Variants in PPIP5K2 observed in about 807,000 individuals in gnomAD.
The protein encoded by PPIP5K2 is diphosphoinositol pentakisphosphate kinase 2, also known as inositol hexakisphosphate and diphosphoinositol-pentakisphosphate kinase 2.
Under a neutral mutation model 154.6 loss-of-function variants are expected in PPIP5K2, and 105 were observed. The ratio of observed to expected loss-of-function variants is 0.68; its 90% CI spans 0.58 to 0.80. PPIP5K2 has a LOEUF of 0.80. Ranked by LOEUF, PPIP5K2 falls within the 30% of genes least tolerant of loss-of-function variation. The probability of loss-of-function intolerance (pLI) is 0.00; values close to 1 mark genes in which losing one functional copy is unlikely to be tolerated. For missense variants in PPIP5K2, 992 were observed against 1,504.6 expected (o/e 0.66, Z 5.64); for synonymous variants, 480 against 490.3 (o/e 0.98, Z 0.28).
chr5:103,195,579 C>T (rs1801964215), intron 30 of PPIP5K2, among the ~76,000 whole-genome samples: 1 of 152,140 alleles, frequency 6.6e-6, no homozygotes, highest in South Asian at 2.1e-4. Context: ...TTATGTGGCA[C>T]ATTTAATTGT....
At chr5:103,142,761 G>A (rs1793035688) in intron 5 of PPIP5K2, among the ~76,000 whole-genome samples, 1 of 129,226 alleles carries the variant, frequency 7.7e-6, no homozygotes, top group African/African-American at 3.1e-5. Flanking sequence ...GGGCGAGTGA[G>A]CAAGACTCCG....
chr5:103,171,274 G>T (rs1797938425), intron 19 of PPIP5K2, among the ~76,000 whole-genome samples: 1 of 151,390 alleles, frequency 6.6e-6, no homozygotes. Context: ...TGGTATAGTG[G>T]TAAATAAAAA....
intron 5 of PPIP5K2, among the ~76,000 whole-genome samples, chr5:103,142,056 C>T (rs1465023772): frequency 6.6e-6 from 1 of 152,182 alleles, no homozygotes; most frequent in Non-Finnish European, 1.5e-5. Context: ...CTTGGGTGGT[C>T]GATGGGACTG....
rs181767068 is a variant in PPIP5K2, at chr5:103,142,494, C to T, written c.487+4025C>T. Reference sequence around the variant, plus strand: ...CCAGAAAGGGGCTCCCACAGTGCAGCGGCGGGACGAAGGGCTCCTCAAGCG... The same window carrying T: ...CCAGAAAGGGGCTCCCACAGTGCAGTGGCGGGACGAAGGGCTCCTCAAGCG... On this transcript the variant is annotated intron_variant, in intron 5 of 30. Transcript: ENST00000358359. Among the ~76,000 whole-genome samples, 134 of 152,352 alleles carry T rather than the reference C, an allele frequency of 8.8e-4. 1 individual carries two copies. Among genetic ancestry groups the T allele is most frequent in the African/African-American group, 3.1e-3 (130 of 41,584 alleles).
chr5:103,182,633 C>T (rs1346360808), intron 24 of PPIP5K2, among the ~76,000 whole-genome samples: 1 of 152,142 alleles, frequency 6.6e-6, no homozygotes, highest in Non-Finnish European at 1.5e-5. Context: ...CCTACTGAAT[C>T]TGTAAATATC....
intron 29 of PPIP5K2, 41 bp downstream of exon 29, chr5:103,191,023 G>A (rs781927791): frequency 1.3e-6 from 2 of 1,575,588 alleles, no homozygotes; most frequent in African/African-American, 2.7e-5. Context: ...TAGTTGCTGG[G>A]CAACTACATA....
intron 8 of PPIP5K2, among the ~76,000 whole-genome samples, chr5:103,149,794 T>G (rs1406574522): frequency 1.3e-5 from 2 of 151,960 alleles, no homozygotes; most frequent in Non-Finnish European, 2.9e-5. Flanking sequence ...CCTCCCGGGT[T>G]CAAGCGATTC....
chr5:103,189,062 A>G, intron 28 of PPIP5K2: 1 of 741,500 alleles, frequency 1.3e-6, no homozygotes, highest in Non-Finnish European at 2.1e-6. Context: ...TCCATCTTTA[A>G]CACATATCAT....
Position 103,204,861 on chromosome 5 carries a change from T to G in PPIP5K2, c.*3227T>G, listed in dbSNP as rs1002773759. 1.3e-5 allele frequency: 2 copies of G among 149,534 alleles called. No individual in the cohort carries two copies. Among genetic ancestry groups the G allele is most frequent in the Non-Finnish European group, 3.0e-5 (2 of 67,202 alleles). 9.3% of individuals were successfully genotyped at this position (149,534 alleles called of 1,614,324 possible). ...CTCCTTAACTAAATATATTACTGAG[T>G]TTTTTTTTTAATACTGTAAGTTCTA... On this transcript the variant is annotated 3_prime_UTR_variant, in exon 31 of 31. Coordinates refer to ENST00000358359, the MANE Select transcript of PPIP5K2 (RefSeq NM_001276277.3).
chr5:103,166,192 C>T (rs1797093228), intron 17 of PPIP5K2, among the ~76,000 whole-genome samples: 1 of 152,038 alleles, frequency 6.6e-6, no homozygotes, highest in African/African-American at 2.4e-5. Context: ...ACGCTCAAGG[C>T]ATTTTGCTTG....
chr5:103,159,294 AAGAC>A lies in PPIP5K2; in HGVS notation c.1890_1893del (p.Asp630GlufsTer25). ...GCAAGGCTTCATGAAATACTTCAGAAAGACAGAGATTTTACTGCTGAAGATTATG... is the reference window on the plus strand; with the variant it reads ...GCAAGGCTTCATGAAATACTTCAGAAAGAGATTTTACTGCTGAAGATTATG... On this transcript the variant is annotated frameshift_variant, in exon 17 of 31. Coordinates refer to ENST00000358359, the MANE Select transcript of PPIP5K2 (RefSeq NM_001276277.3). LOFTEE classifies it high-confidence loss of function. 2 of 1,611,656 alleles carry A rather than the reference AAGAC, an allele frequency of 1.2e-6. No homozygotes were observed. The highest frequency in any genetic ancestry group is 1.7e-6 in the Non-Finnish European group (2 of 1,179,306).
chr5:103,143,519 A>G (rs1371193860), intron 5 of PPIP5K2, among the ~76,000 whole-genome samples: 3 of 152,344 alleles, frequency 2.0e-5, no homozygotes, highest in African/African-American at 4.8e-5. Flanking sequence ...GGAAGGAAGG[A>G]AGGGAGGACA....
chr5:103,171,267 T>C (rs1797937026), intron 19 of PPIP5K2, among the ~76,000 whole-genome samples: 1 of 151,548 alleles, frequency 6.6e-6, no homozygotes, highest in South Asian at 2.1e-4. Context: ...GCCATGATGG[T>C]ATAGTGGTAA....
At chr5:103,184,536 A>G (rs1429117029) in intron 25 of PPIP5K2, 136 bp from the exon 26 acceptor site, 1 of 615,658 alleles carries the variant, frequency 1.6e-6, no homozygotes, top group Non-Finnish European at 2.8e-6. Context: ...ATGATCTTTC[A>G]TGTTTTATGT....
At chr5:103,178,498 T>A (rs1449425220) in intron 23 of PPIP5K2, among the ~76,000 whole-genome samples, 2 of 151,822 alleles carry the variant, frequency 1.3e-5, no homozygotes, top group African/African-American at 2.4e-5. Context: ...TATAGCTTTA[T>A]AATAAATATT....
intron 1 of PPIP5K2, among the ~76,000 whole-genome samples, chr5:103,125,221 T>C (rs148728293): frequency 6.6e-6 from 1 of 152,354 alleles, no homozygotes; most frequent in East Asian, 1.9e-4. Context: ...CTCAATCATT[T>C]TGATTTAAGT....
chr5:103,176,526 C>T (rs538105875), intron 21 of PPIP5K2, among the ~76,000 whole-genome samples: 11 of 152,004 alleles, frequency 7.2e-5, no homozygotes, highest in African/African-American at 1.9e-4. Flanking sequence ...ATAAAATACA[C>T]GCTGAATTTT....
intron 2 of PPIP5K2, among the ~76,000 whole-genome samples, chr5:103,130,227 A>C (rs1348502442): frequency 1.3e-5 from 2 of 152,146 alleles, no homozygotes; most frequent in African/African-American, 4.8e-5. Flanking sequence ...TGTGTGTCTA[A>C]AACTTGTTCT....
intron 19 of PPIP5K2, among the ~76,000 whole-genome samples, chr5:103,171,045 CATTG>C (rs1797908317): frequency 1.3e-5 from 2 of 151,544 alleles, no homozygotes; most frequent in South Asian, 4.1e-4. Flanking sequence ...TCTACTCTTA[CATTG>C]ATTGATTAAT....
Sources: gnomAD v4.1 joint callset for allele counts (sites outside exome capture counted in the v4.1 genomes callset) on GRCh38, gnomAD v4.1.1 for gene constraint, MANE v1.5 for transcripts, NCBI Gene and HGNC (gene_info 2026-07-23, HGNC 2026-07-21) for gene names.